Variants in HDAC8 observed in about 807,000 individuals in gnomAD.
HDAC8 encodes the protein histone deacetylase-like 1.
Under a neutral mutation model 32.2 loss-of-function variants are expected in HDAC8, and 1 was observed. That is an observed-to-expected ratio of 0.03 (90% CI 0.01 to 0.15). The LOEUF (loss-of-function observed/expected upper bound fraction) is 0.15. Among genes scored for constraint, HDAC8 ranks in the 10% least tolerant of loss-of-function variants. The pLI is 1.00. For missense variants in HDAC8, 117 were observed against 300.0 expected (o/e 0.39, Z 4.51); for synonymous variants, 108 against 113.9 (o/e 0.95, Z 0.33).
intron 7 of HDAC8, among the ~76,000 whole-genome samples, chrX:72,476,991 C>T (rs1444738274): frequency 2.7e-5 from 3 of 111,950 alleles, no homozygotes; most frequent in Admixed American, 9.5e-5. Flanking sequence ...CAATCTATTA[C>T]CTTTCACCAA....
rs931276707 is a variant in HDAC8 at position 72,490,996 on chromosome X, G to A, written c.561C>T (p.Asp187=). 6.8e-6 allele frequency: 8 copies of A among 1,181,828 alleles called. No individual in the cohort carries two copies. Among genetic ancestry groups the A allele is most frequent in the Non-Finnish European group, 6.9e-6 (6 of 870,311 alleles). The part of the protein sequence containing the change: ...LDLHHGDGVE[D]AFSFTSKVMT... ...TGACTTTGGAGGTGAAACTGAATGC[G>A]TCTTCTACACCTAACAGATAAAGAA... Residue 187 remains aspartate (D), a synonymous_variant, in exon 6 of 11, where the codon GAC becomes GAT. Coordinates refer to ENST00000373573, the MANE Select transcript of HDAC8 (RefSeq NM_018486.3).
chrX:72,470,197 CATACATAA>C (rs1375145845), intron 7 of HDAC8, among the ~76,000 whole-genome samples: 3 of 107,946 alleles, frequency 2.8e-5, no homozygotes, highest in African/African-American at 1.1e-4. Flanking sequence ...TACATACATA[CATACATAA>C]ATACAACATA....
chrX:72,441,452 T>C (rs1487880550), intron 9 of HDAC8, among the ~76,000 whole-genome samples: 3 of 111,710 alleles, frequency 2.7e-5, no homozygotes, highest in Admixed American at 1.9e-4. Context: ...TCTAGCAAAC[T>C]CCAACAGACC....
At chrX:72,343,464 T>A (rs960018245) in intron 10 of HDAC8, among the ~76,000 whole-genome samples, 15 of 110,534 alleles carry the variant, frequency 1.4e-4, no homozygotes, top group African/African-American at 4.9e-4. Flanking sequence ...TGAGCTACCA[T>A]GCCCGGCCGA....
intron 1 of HDAC8, 26 bp from the exon 2 acceptor site, chrX:72,572,135 A>G: frequency 1.7e-6 from 2 of 1,161,300 alleles, no homozygotes; most frequent in Non-Finnish European, 2.3e-6. Flanking sequence ...TAAAAAAAAA[A>G]AAAGAAAAGC....
intron 9 of HDAC8, among the ~76,000 whole-genome samples, chrX:72,427,216 A>G (rs2046664377): frequency 9.0e-6 from 1 of 111,291 alleles, no homozygotes; most frequent in South Asian, 3.9e-4. Flanking sequence ...ATGACATTAC[A>G]TACCATTTGA....
chrX:72,465,040 G>A (rs1336300516), intron 7 of HDAC8, among the ~76,000 whole-genome samples: 1 of 111,393 alleles, frequency 9.0e-6, no homozygotes, highest in Non-Finnish European at 1.9e-5. Flanking sequence ...ACAGCCATAG[G>A]ACACAGTATA....
rs3830710 is a variant in HDAC8, at chrX:72,572,125, TA to T, written c.112-17del. On this transcript the variant is annotated splice_polypyrimidine_tract_variant and intron_variant, in intron 1 of 10. Coordinates refer to ENST00000373573, the MANE Select transcript of HDAC8 (RefSeq NM_018486.3). The stretch of plus-strand genomic sequence containing the variant: ...CCATACTGGCCTAAAAACATCAGCG[TA>T]AAAAAAAAAAAAGAAAAGCAGAAAT... 106,932 of 671,709 alleles carry T rather than the reference TA, an allele frequency of 0.16. 2 individuals are homozygous for T. Among genetic ancestry groups the T allele is most frequent in the East Asian group, 0.19 (3,324 of 17,792 alleles). 55.4% of individuals were successfully genotyped at this position (671,709 alleles called of 1,213,427 possible).
intron 4 of HDAC8, among the ~76,000 whole-genome samples, chrX:72,554,450 G>C (rs1176462888): frequency 1.1e-5 from 1 of 94,691 alleles, no homozygotes; most frequent in Non-Finnish European, 2.0e-5. Context: ...CTGGTCACTG[G>C]CTGCCTGGAA....
At chrX:72,364,374 C>G (rs2044639594) in intron 9 of HDAC8, among the ~76,000 whole-genome samples, 1 of 111,481 alleles carries the variant, frequency 9.0e-6, no homozygotes. Context: ...TGTAATCACG[C>G]CTATGTGGAG....
In HDAC8 at chrX:72,496,798, A is replaced by AAC. The variant is rs782413241; in HGVS notation, c.438-1531_438-1530insGT. 1.3e-4 allele frequency among the ~76,000 whole-genome samples: 13 copies of AAC among 102,646 alleles called. 1 individual carries two copies. The highest frequency in any genetic ancestry group is 2.1e-4 in the Admixed American group (2 of 9,451). 89.1% of individuals were successfully genotyped at this position (102,646 alleles called of 115,157 possible). A position where few individuals can be genotyped will look rare whatever the true frequency, so the allele number is the denominator to read the frequency against. On this transcript the variant is annotated intron_variant, in intron 4 of 10. Transcript: ENST00000373573. ...CATAAACACAGAAAAAAAAAAAAAA[A>AAC]CCAATCATCCAAACAAAAAAGGCAA...
At chrX:72,487,391 C>T (rs1314486752) in intron 7 of HDAC8, among the ~76,000 whole-genome samples, 1 of 111,278 alleles carries the variant, frequency 9.0e-6, no homozygotes, top group East Asian at 2.8e-4. Flanking sequence ...AAATAGACTT[C>T]CTTGGGGGTG....
At chrX:72,421,374 T>C (rs1337089506) in intron 9 of HDAC8, among the ~76,000 whole-genome samples, 3 of 111,668 alleles carry the variant, frequency 2.7e-5, no homozygotes, top group Non-Finnish European at 5.7e-5. Context: ...TGCTCTCCCT[T>C]CCCCAACCCC....
chrX:72,533,535 C>T (rs375556912), intron 4 of HDAC8, among the ~76,000 whole-genome samples: 20 of 111,508 alleles, frequency 1.8e-4, no homozygotes, highest in East Asian at 8.4e-4. Flanking sequence ...ATTATTACCC[C>T]GATACCAAAA....
intron 9 of HDAC8, among the ~76,000 whole-genome samples, chrX:72,444,389 A>T (rs1478967660): frequency 3.6e-5 from 4 of 111,960 alleles, no homozygotes; most frequent in African/African-American, 1.3e-4. Flanking sequence ...AATATACATA[A>T]ATCAATAAAT....
chrX:72,470,330 C>T (rs1413078227), intron 7 of HDAC8, among the ~76,000 whole-genome samples: 1 of 111,530 alleles, frequency 9.0e-6, no homozygotes, highest in Non-Finnish European at 1.9e-5. Context: ...CTTTTTCTGT[C>T]TCATACTGGA....
At chrX:72,529,958 G>A (rs2147404938) in intron 4 of HDAC8, among the ~76,000 whole-genome samples, 1 of 112,016 alleles carries the variant, frequency 8.9e-6, no homozygotes, top group Non-Finnish European at 1.9e-5. Context: ...GGTAACATGT[G>A]CTTTCTTCTC....
chrX:72,384,047 T>C (rs141392213), intron 9 of HDAC8, among the ~76,000 whole-genome samples: 2,032 of 111,039 alleles, frequency 0.018, 18 homozygotes, highest in Non-Finnish European at 0.032. Context: ...CATTTGATTT[T>C]TGGAGTCAGG....
At chrX:72,472,183 T>G (rs2048204068) in intron 7 of HDAC8, among the ~76,000 whole-genome samples, 1 of 106,484 alleles carries the variant, frequency 9.4e-6, no homozygotes, top group Admixed American at 1.0e-4. Flanking sequence ...TTCTCCTGCC[T>G]CAGCCTCCCA....
Sources: allele counts gnomAD v4.1 joint callset (sites outside exome capture counted in the v4.1 genomes callset), GRCh38; gene constraint gnomAD v4.1.1; transcripts MANE v1.5; gene names NCBI Gene and HGNC (gene_info 2026-07-23, HGNC 2026-07-21).